Variants in ZCCHC9 observed in about 807,000 individuals in gnomAD.
ZCCHC9 encodes the protein zinc finger CCHC domain-containing protein 9.
A neutral mutation model predicts 30.8 loss-of-function variants in ZCCHC9; 18 were observed. The ratio of observed to expected loss-of-function variants is 0.58; its 90% CI spans 0.40 to 0.87. The LOEUF is 0.87. Among genes scored for constraint, ZCCHC9 ranks in the 40% least tolerant of loss-of-function variants. The pLI, the probability that ZCCHC9 is intolerant of heterozygous loss-of-function variation, is 0.00. For missense variants in ZCCHC9, 279 were observed against 331.2 expected, an observed-to-expected ratio of 0.84 and a Z score of 1.22; for synonymous variants, 94 against 106.7, an observed-to-expected ratio of 0.88 and a Z score of 0.73.
intron 2 of ZCCHC9, 138 bp downstream of exon 2, chr5:81,305,279 CTTT>C: frequency 1.7e-6 from 2 of 1,177,140 alleles, no homozygotes; most frequent in South Asian, 3.4e-5. Context: ...AGGACTAGTA[CTTT>C]TTTAGCACAT....
At chr5:81,310,657 A>G (rs1411986225) in intron 4 of ZCCHC9, among the ~76,000 whole-genome samples, 1 of 152,208 alleles carries the variant, frequency 6.6e-6, no homozygotes, top group African/African-American at 2.4e-5. Flanking sequence ...AATGTTGTTT[A>G]AAGTAGGCAG....
At chr5:81,308,023 A>ATCTATCTATCTG (rs1758137902) in intron 2 of ZCCHC9, among the ~76,000 whole-genome samples, 2 of 15,968 alleles carry the variant, frequency 1.3e-4, no homozygotes, top group South Asian at 3.0e-3. Context: ...AAAAAAAAAA[A>ATCTATCTATCTG]TCTATCTATC....
chr5:81,311,605 GAAAAT>G (rs1758289762), intron 5 of ZCCHC9, among the ~76,000 whole-genome samples: 1 of 152,054 alleles, frequency 6.6e-6, no homozygotes, highest in Non-Finnish European at 1.5e-5. Context: ...AATTCACTGA[GAAAAT>G]AAAAAATATG....
chr5:81,305,544 G>T (rs1758062595), intron 2 of ZCCHC9, among the ~76,000 whole-genome samples: 4 of 149,590 alleles, frequency 2.7e-5, no homozygotes, highest in African/African-American at 9.9e-5. Context: ...GATCACTTGA[G>T]CCCAGGAATT....
In ZCCHC9 at chr5:81,304,764, A is replaced by C. The variant is rs1361963675; in HGVS notation, c.7A>C (p.Arg3=). ...AGGTACCACTGATGAAATTATGACC[A>C]GGTGGGCCCGAGTTAGTACCACATA... MT[R]WARVSTTYNK... Residue 3 remains arginine, a synonymous_variant, in exon 2 of 6, where the codon AGG becomes CGG. Transcript: ENST00000407610. 6.3e-7 allele frequency: 1 copy of C among 1,574,890 alleles called. No homozygotes were observed. The highest frequency in any genetic ancestry group is 2.0e-5 in the Admixed American group (1 of 50,842).
intron 1 of ZCCHC9, 134 bp downstream of exon 1, chr5:81,301,832 T>A (rs569444490): frequency 1.3e-5 from 2 of 152,466 alleles, no homozygotes; most frequent in Non-Finnish European, 2.9e-5. Flanking sequence ...GCGGGCTGTC[T>A]AGGGGCGGCG....
Position 81,307,723 on chromosome 5 carries a change from G to A in ZCCHC9, c.385-838G>A, listed in dbSNP as rs192597701. Among the ~76,000 whole-genome samples, 351 of 151,810 alleles carry A rather than the reference G, an allele frequency of 2.3e-3. 2 individuals are homozygous for A. The highest frequency in any genetic ancestry group is 7.9e-3 in the African/African-American group (327 of 41,372). ...TATGAAATATATCTTATGGCCAGGC[G>A]TGGTGGCTCATGCCTGTAATCCCAG... On this transcript the variant is annotated intron_variant, in intron 2 of 5. Transcript: ENST00000407610.
At chr5:81,312,493 T>C (rs1307005216) in intron 5 of ZCCHC9, 51 bp from the exon 6 acceptor site, 1 of 1,377,368 alleles carries the variant, frequency 7.3e-7, no homozygotes, top group African/African-American at 1.4e-5. Context: ...TCTGAGTGGA[T>C]GCATTTGATT....
Position 81,309,061 on chromosome 5 carries a change from A to AT in ZCCHC9, c.628+23_628+24insT, listed in dbSNP as rs528607619. ...ATGGTAAGTACTGTTACCCTCATAT[A>AT]GCAGAAATGGTGAGTCATCGTGCAG... On this transcript the variant is annotated intron_variant, in intron 4 of 5. Transcript: ENST00000407610. 5.9e-3 allele frequency: 9,185 copies of AT among 1,547,612 alleles called. 60 individuals carry two copies. Among genetic ancestry groups the AT allele is most frequent in the South Asian group, 0.02 (1,684 of 84,366 alleles).
At chr5:81,307,063 G>A (rs753951107) in intron 2 of ZCCHC9, among the ~76,000 whole-genome samples, 47 of 151,994 alleles carry the variant, frequency 3.1e-4, no homozygotes, top group Non-Finnish European at 6.0e-4. Context: ...GTTTTATTTT[G>A]CTGGTTGAAT....
At chr5:81,304,210 A>G (rs1387110011) in intron 1 of ZCCHC9, 1 of 152,308 alleles carries the variant, frequency 6.6e-6, no homozygotes, top group African/African-American at 2.4e-5. Context: ...GATGGTAAAC[A>G]CTTTTATATG....
rs1008576140 is a variant in ZCCHC9 at position 81,309,125 on chromosome 5, A to C, written c.628+87A>C. On this transcript the variant is annotated intron_variant, in intron 4 of 5. Coordinates refer to ENST00000407610, the MANE Select transcript of ZCCHC9 (RefSeq NM_001131035.2). ...TACACTCAATCACAGTTCTTGAATAAATTCTTGAATAAATTGCAAAACCTT... is the reference window on the plus strand; with the variant it reads ...TACACTCAATCACAGTTCTTGAATACATTCTTGAATAAATTGCAAAACCTT... 683 of 1,027,570 alleles carry C rather than the reference A, an allele frequency of 6.6e-4. 2 individuals are homozygous for C. The highest frequency in any genetic ancestry group is 8.8e-4 in the Non-Finnish European group (624 of 708,898). 63.7% of individuals were successfully genotyped at this position (1,027,570 alleles called of 1,614,324 possible).
chr5:81,308,855 A>G, intron 3 of ZCCHC9, 91 bp from the exon 4 acceptor site: 4 of 1,385,486 alleles, frequency 2.9e-6, no homozygotes, highest in Non-Finnish European at 3.9e-6. Context: ...TTATGTAAAT[A>G]TATTTTTTAT....
intron 2 of ZCCHC9, among the ~76,000 whole-genome samples, chr5:81,307,200 A>G (rs1203134712): frequency 6.6e-6 from 1 of 152,242 alleles, no homozygotes; most frequent in African/African-American, 2.4e-5. Flanking sequence ...ATCTTTGATT[A>G]TGGTTGATGT....
chr5:81,311,119 G>A, intron 4 of ZCCHC9, 92 bp from the exon 5 acceptor site: 2 of 1,280,918 alleles, frequency 1.6e-6, no homozygotes, highest in South Asian at 1.2e-5. Flanking sequence ...TGACAGGGTT[G>A]TGAGGATCCA....
At chr5:81,304,472 A>T (rs1206118200) in intron 1 of ZCCHC9, 1 of 250,254 alleles carries the variant, frequency 4.0e-6, no homozygotes, top group African/African-American at 2.2e-5. Flanking sequence ...TTGGTTTCTT[A>T]AGATAGTTTT....
chr5:81,305,122 C>A lies in ZCCHC9; in HGVS notation c.365C>A (p.Ala122Glu). 6.9e-6 allele frequency: 11 copies of A among 1,592,972 alleles called. No homozygotes were observed. Among genetic ancestry groups the A allele is most frequent in the Non-Finnish European group, 9.4e-6 (11 of 1,173,990 alleles). The change falls in exon 2 of 6, where the codon GCG (alanine) becomes GAG (glutamate). Residue 122 changes from alanine (A) to glutamate (E), a missense_variant. By Grantham distance (107) the Ala-to-Glu change is moderately radical. Transcript: ENST00000407610. ...GAAGGAAGAAGATTAAAAAGACAAG[C>A]GGCAAAGAAAAATGCAATGGTGAGA... The part of the protein sequence containing the change: ...RREGRRLKRQ[A>E]AKKNAMVCFH...
intron 5 of ZCCHC9, among the ~76,000 whole-genome samples, 199 bp from the exon 6 acceptor site, chr5:81,312,345 G>A (rs1758314732): frequency 6.6e-6 from 1 of 152,150 alleles, no homozygotes; most frequent in South Asian, 2.1e-4. Flanking sequence ...CCCTAATTGG[G>A]ATGAGAAATT....
intron 1 of ZCCHC9, chr5:81,303,157 G>A (rs1237091748): frequency 4.6e-5 from 7 of 152,116 alleles, no homozygotes; most frequent in Admixed American, 4.6e-4. Flanking sequence ...AGCTTCCCAG[G>A]TGGTGCGCGC....
Sources: gnomAD v4.1 joint callset for allele counts (sites outside exome capture counted in the v4.1 genomes callset) on GRCh38, gnomAD v4.1.1 for gene constraint, MANE v1.5 for transcripts, NCBI Gene and HGNC (gene_info 2026-07-23, HGNC 2026-07-21) for gene names.